Variants in ANAPC1 observed in about 807,000 individuals in gnomAD.
ANAPC1 encodes the protein anaphase promoting complex subunit 1, also known as anaphase-promoting complex subunit 1.
Under a neutral mutation model 208.0 loss-of-function variants are expected in ANAPC1, and 36 were observed. The ratio of observed to expected loss-of-function variants is 0.17; its 90% confidence interval spans 0.13 to 0.23. The LOEUF (loss-of-function observed/expected upper bound fraction) is 0.23, where lower values mean the gene tolerates loss of function less well. Among genes scored for constraint, ANAPC1 ranks in the 10% least tolerant of loss-of-function variants. The pLI is 1.00. For missense variants in ANAPC1, 942 were observed against 2,011.6 expected, an observed-to-expected ratio of 0.47 and a Z score of 10.17; for synonymous variants, 378 against 695.2, an observed-to-expected ratio of 0.54 and a Z score of 7.18.
In ANAPC1 at chr2:111,880,642, G is replaced by C; in HGVS notation, c.184C>G (p.Gln62Glu). 1 of 1,612,572 alleles carries C rather than the reference G, an allele frequency of 6.2e-7. No individual in the cohort carries two copies. The highest frequency in any genetic ancestry group is 8.5e-7 in the Non-Finnish European group (1 of 1,179,800). ...TGTTTCTCGTGGATTGTAACCTCCT[G>C]AAGGGATCCCACCAAGCCAGCAGCA... ...DGAAGLVGSL[Q>E]EVTIHEKQKE... is the part of the protein sequence containing the mutation. The change falls in exon 2 of 48, where the codon CAG (glutamine) becomes GAG (glutamate). Residue 62 changes from glutamine (Q) to glutamate (E), a missense_variant. By Grantham distance (29) the Gln-to-Glu change is conservative. Transcript: ENST00000341068.
At chr2:111,819,911 G>C (rs1374989729) in intron 26 of ANAPC1, among the ~76,000 whole-genome samples, 1 of 152,148 alleles carries the variant, frequency 6.6e-6, no homozygotes, top group Non-Finnish European at 1.5e-5. Context: ...CATTAATTTG[G>C]GATCAGGAAA....
intron 47 of ANAPC1, chr2:111,770,943 C>T (rs1676704229): frequency 6.5e-6 from 1 of 153,732 alleles, no homozygotes; most frequent in Non-Finnish European, 1.5e-5. Context: ...ATTTTTGATT[C>T]AACACTGAAT....
chr2:111,819,172 C>A (rs1376168513), intron 26 of ANAPC1: 1 of 983,332 alleles, frequency 1.0e-6, no homozygotes, highest in Admixed American at 6.2e-5. Flanking sequence ...CATATTTCCT[C>A]TGTTTTGTTT....
chr2:111,781,612 G>A (rs368267882), intron 43 of ANAPC1, among the ~76,000 whole-genome samples: 6 of 152,284 alleles, frequency 3.9e-5, no homozygotes, highest in South Asian at 2.1e-4. Flanking sequence ...CACTTTTGCC[G>A]TCTAATTATT....
In ANAPC1 at chr2:111,850,786, G is replaced by A. The variant is rs200151639; in HGVS notation, c.1640C>T (p.Ser547Leu). 4.3e-6 allele frequency: 7 copies of A among 1,611,674 alleles called. No homozygotes were observed. Among genetic ancestry groups the A allele is most frequent in the East Asian group, 2.2e-5 (1 of 44,886 alleles). Reference sequence around the variant, plus strand: ...TAGTCCTTTTCTTACCTCGTCCAATGATCCAAGGAGTTTACTAAGAGGCTT... The same window carrying A: ...TAGTCCTTTTCTTACCTCGTCCAATAATCCAAGGAGTTTACTAAGAGGCTT... ...TPKPLSKLLG[S>L]LDEVVLLSPV... Residue 547 changes from serine to leucine, a missense_variant, in exon 14 of 48, where the codon TCA becomes TTA. Physicochemically the swap from Ser to Leu is moderately radical, Grantham distance 145 (BLOSUM62 -2). Transcript: ENST00000341068.
At chr2:111,824,486 T>C (rs1321473141) in intron 24 of ANAPC1, among the ~76,000 whole-genome samples, 1 of 152,124 alleles carries the variant, frequency 6.6e-6, no homozygotes, top group East Asian at 1.9e-4. Context: ...ATAGGGAATA[T>C]AGAACTCTTT....
intron 3 of ANAPC1, among the ~76,000 whole-genome samples, chr2:111,874,206 G>C (rs148993967): frequency 3.1e-3 from 465 of 151,952 alleles, no homozygotes; most frequent in African/African-American, 0.011. Context: ...GACATACCTG[G>C]CAATCACTTA....
chr2:111,822,920 G>A (rs904650142), intron 24 of ANAPC1, among the ~76,000 whole-genome samples: 1 of 150,802 alleles, frequency 6.6e-6, no homozygotes, highest in African/African-American at 2.4e-5. Flanking sequence ...GCAAATTAAA[G>A]CTACTGAGAA....
intron 2 of ANAPC1, among the ~76,000 whole-genome samples, chr2:111,879,951 G>A (rs1037644967): frequency 1.3e-5 from 2 of 152,068 alleles, no homozygotes; most frequent in Admixed American, 6.5e-5. Context: ...ATCTTCTGCA[G>A]CAGGGACTAC....
rs1375625412 is a variant in ANAPC1, at chr2:111,884,138, G to A, written c.-221C>T. 1.3e-5 allele frequency: 2 copies of A among 152,288 alleles called. No individual in the cohort carries two copies. The highest frequency in any genetic ancestry group is 2.9e-5 in the Non-Finnish European group (2 of 68,074). The allele number at this position is 152,288 out of a possible 1,614,324, so 9.4% of individuals were successfully genotyped here. The stretch of plus-strand genomic sequence containing the variant: ...CGGGCTCGAGTGCTAATGGCAGGAA[G>A]GCGTGCGAGACGTTCAAATGGACGC... On this transcript the variant is annotated 5_prime_UTR_variant, in exon 1 of 48. Transcript: ENST00000341068.
chr2:111,881,053 A>G (rs1360466616), intron 1 of ANAPC1, among the ~76,000 whole-genome samples: 1 of 151,040 alleles, frequency 6.6e-6, no homozygotes, highest in African/African-American at 2.4e-5. Context: ...ACAGACTGAC[A>G]GTTACCACTA....
chr2:111,829,534 G>A (rs1454127031), intron 21 of ANAPC1, among the ~76,000 whole-genome samples: 1 of 152,188 alleles, frequency 6.6e-6, no homozygotes, highest in Non-Finnish European at 1.5e-5. Context: ...CCAGGATGGG[G>A]GGACTGAGGA....
intron 19 of ANAPC1, 53 bp from the exon 20 acceptor site, chr2:111,833,364 C>A (rs1680268935): frequency 4.6e-6 from 7 of 1,512,818 alleles, no homozygotes; most frequent in Non-Finnish European, 6.3e-6. Flanking sequence ...TTTCTCCCAA[C>A]AGAATTGGAA....
At chr2:111,873,747 T>C (rs1031117389) in intron 3 of ANAPC1, 83 bp from the exon 4 acceptor site, 30 of 1,421,988 alleles carry the variant, frequency 2.1e-5, no homozygotes, top group Non-Finnish European at 2.7e-5. Context: ...ATAATAATAA[T>C]AGCATCTACG....
intron 8 of ANAPC1, among the ~76,000 whole-genome samples, chr2:111,864,264 T>C (rs1682261991): frequency 6.6e-6 from 1 of 151,660 alleles, no homozygotes; most frequent in Non-Finnish European, 1.5e-5. Context: ...AGTTCAAGGC[T>C]GCAGTGAACT....
At chr2:111,782,318 G>A in intron 43 of ANAPC1, 51 bp downstream of exon 43, 3 of 1,612,192 alleles carry the variant, frequency 1.9e-6, no homozygotes, top group Non-Finnish European at 2.5e-6. Context: ...GGGCGAGGAA[G>A]CCGGCAATTT....
At chr2:111,856,085 A>C (rs1053343501) in intron 13 of ANAPC1, among the ~76,000 whole-genome samples, 1 of 152,132 alleles carries the variant, frequency 6.6e-6, no homozygotes, top group African/African-American at 2.4e-5. Context: ...AATACAAAAA[A>C]TTAGCCAGGC....
chr2:111,822,934 T>C (rs1679611387), intron 24 of ANAPC1, among the ~76,000 whole-genome samples: 1 of 149,524 alleles, frequency 6.7e-6, no homozygotes, highest in Non-Finnish European at 1.5e-5. Flanking sequence ...CTGAGAAATA[T>C]AAATGTCAAA....
At chr2:111,845,922 C>T (rs1681034259) in intron 16 of ANAPC1, among the ~76,000 whole-genome samples, 1 of 144,448 alleles carries the variant, frequency 6.9e-6, no homozygotes, top group African/African-American at 2.6e-5. Context: ...TTGCAGTGAG[C>T]CGAGTTTGCG....
Sources: allele counts gnomAD v4.1 joint callset (sites outside exome capture counted in the v4.1 genomes callset), GRCh38; gene constraint gnomAD v4.1.1; transcripts MANE v1.5; gene names NCBI Gene and HGNC (gene_info 2026-07-23, HGNC 2026-07-21).